The following FIGN variants were observed in gnomAD, a reference collection of about 807,000 sequenced individuals.
The protein encoded by FIGN is fidgetin, microtubule severing factor.
FIGN carries 11 observed loss-of-function variants against 51.3 expected under a neutral mutation model. That is an observed-to-expected ratio of 0.21 (90% CI 0.13 to 0.35). FIGN has a LOEUF of 0.35. FIGN is among the 10% of genes least tolerant of loss of function. FIGN has a pLI of 1.00. For missense variants in FIGN, 857 were observed against 943.6 expected (o/e 0.91, Z 1.20); for synonymous variants, 407 against 363.2 (o/e 1.12, Z -1.37).
rs572143224 is a variant in FIGN at position 163,640,494 on chromosome 2, C to T, written c.26-28688G>A. 2.1e-3 allele frequency among the ~76,000 whole-genome samples: 326 copies of T among 152,140 alleles called. 1 individual carries two copies. The highest frequency in any genetic ancestry group is 7.5e-3 in the African/African-American group (311 of 41,510). Reference sequence around the variant, plus strand: ...TTTCCATTTTTTTATTTATACATTTCAGCTCAGGAAACAATCATTTTTAAC... The same window carrying T: ...TTTCCATTTTTTTATTTATACATTTTAGCTCAGGAAACAATCATTTTTAAC... On this transcript the variant is annotated intron_variant, in intron 2 of 2. Transcript: ENST00000333129.
At chr2:163,655,448 C>G (rs1052612776) in intron 2 of FIGN, among the ~76,000 whole-genome samples, 2 of 151,832 alleles carry the variant, frequency 1.3e-5, no homozygotes, top group Non-Finnish European at 2.9e-5. Context: ...TCAATTGACA[C>G]TGGAAACAAC....
chr2:163,625,054 T>C (rs1683034100), intron 2 of FIGN, among the ~76,000 whole-genome samples: 1 of 152,070 alleles, frequency 6.6e-6, no homozygotes, highest in Non-Finnish European at 1.5e-5. Context: ...TTATATTCAT[T>C]GTACAGCAAA....
chr2:163,618,934 T>C (rs534508205), intron 2 of FIGN, among the ~76,000 whole-genome samples: 1 of 152,208 alleles, frequency 6.6e-6, no homozygotes, highest in African/African-American at 2.4e-5. Context: ...CTTTTTTTTA[T>C]GATAAGAGAA....
At chr2:163,649,296 T>G (rs370425005) in intron 2 of FIGN, among the ~76,000 whole-genome samples, 2 of 152,298 alleles carry the variant, frequency 1.3e-5, no homozygotes, top group East Asian at 1.9e-4. Context: ...CCACAGTGTG[T>G]CTGAGTCAGA....
chr2:163,627,232 G>GT (rs1434905688), intron 2 of FIGN, among the ~76,000 whole-genome samples: 1 of 152,084 alleles, frequency 6.6e-6, no homozygotes, highest in East Asian at 1.9e-4. Flanking sequence ...CTATCTTGGG[G>GT]TCTGGATCAG....
chr2:163,723,147 C>T (rs955342409), intron 2 of FIGN, among the ~76,000 whole-genome samples: 3 of 151,770 alleles, frequency 2.0e-5, no homozygotes, highest in Non-Finnish European at 4.4e-5. Context: ...GCCGAGATCG[C>T]GCCACTACAC....
intron 2 of FIGN, among the ~76,000 whole-genome samples, chr2:163,676,483 A>AT (rs1553499928): frequency 0.047 from 2,282 of 48,394 alleles, 573 homozygotes; most frequent in Non-Finnish European, 0.089. Context: ...ATATATATAT[A>AT]ACTAGAGTCT....
chr2:163,671,778 A>G (rs929943383), intron 2 of FIGN, among the ~76,000 whole-genome samples: 13 of 152,212 alleles, frequency 8.5e-5, no homozygotes, highest in African/African-American at 2.9e-4. Flanking sequence ...CTTCTGATTC[A>G]CATTAAAAAG....
chr2:163,622,635 C>T (rs1266241681), intron 2 of FIGN, among the ~76,000 whole-genome samples: 13 of 152,072 alleles, frequency 8.5e-5, no homozygotes, highest in Non-Finnish European at 1.8e-4. Context: ...GATCTTGGCT[C>T]ACTACAAACT....
intron 2 of FIGN, among the ~76,000 whole-genome samples, chr2:163,710,915 A>G (rs1684578050): frequency 6.6e-6 from 1 of 152,200 alleles, no homozygotes; most frequent in Non-Finnish European, 1.5e-5. Context: ...CCTGTACACA[A>G]TGGCTTGTCT....
chr2:163,644,266 G>A (rs1683349915), intron 2 of FIGN, among the ~76,000 whole-genome samples: 1 of 151,990 alleles, frequency 6.6e-6, no homozygotes, highest in South Asian at 2.1e-4. Flanking sequence ...TAAACAATTG[G>A]CATTAATTTG....
intron 2 of FIGN, among the ~76,000 whole-genome samples, chr2:163,692,390 T>A (rs765755879): frequency 6.6e-6 from 1 of 152,194 alleles, no homozygotes; most frequent in Non-Finnish European, 1.5e-5. Flanking sequence ...TATAACAATA[T>A]GATATTAATG....
chr2:163,704,791 T>C (rs886492641), intron 2 of FIGN, among the ~76,000 whole-genome samples: 2 of 151,918 alleles, frequency 1.3e-5, no homozygotes, highest in African/African-American at 4.8e-5. Context: ...TTTCAAATAC[T>C]CTGACAGGAA....
At chr2:163,647,048 TAAC>T (rs1189880874) in intron 2 of FIGN, among the ~76,000 whole-genome samples, 2 of 152,156 alleles carry the variant, frequency 1.3e-5, no homozygotes, top group African/African-American at 4.8e-5. Flanking sequence ...CTCTCCAAGT[TAAC>T]AACATAAAAG....
chr2:163,718,882 A>G (rs2105361548), intron 2 of FIGN, among the ~76,000 whole-genome samples: 1 of 152,246 alleles, frequency 6.6e-6, no homozygotes, highest in Admixed American at 6.5e-5. Flanking sequence ...GATTATATGG[A>G]TAACTATAAA....
At position 163,720,971 on chromosome 2, in the gene FIGN, A is replaced by AAAAT. The variant is rs768387252; in HGVS notation, c.25+13928_25+13931dup. 5.9e-3 allele frequency among the ~76,000 whole-genome samples: 905 copies of AAAAT among 152,260 alleles called. 6 individuals carry two copies. Among genetic ancestry groups the AAAAT allele is most frequent in the African/African-American group, 0.02 (840 of 41,552 alleles). Reference sequence around the variant, plus strand: ...AGCTGTCAACTATGCATATAGGGTCAAAATAAATAAATAAGTAAATAAAAA... The same window carrying AAAAT: ...AGCTGTCAACTATGCATATAGGGTCAAAATAAATAAATAAATAAGTAAATAAAAA... On this transcript the variant is annotated intron_variant, in intron 2 of 2. Coordinates refer to ENST00000333129, the MANE Select transcript of FIGN (RefSeq NM_018086.4).
chr2:163,603,678 C>G lies in FIGN; in HGVS notation c.*5874G>C, dbSNP rs1015645416. 1 of 152,120 alleles carries G rather than the reference C, an allele frequency of 6.6e-6. No individual in the cohort carries two copies. The highest frequency in any genetic ancestry group is 1.5e-5 in the Non-Finnish European group (1 of 67,982). The allele number at this position is 152,120 out of a possible 1,614,324, so 9.4% of individuals were successfully genotyped here. A position where few individuals can be genotyped will look rare whatever the true frequency, so the allele number is the denominator to read the frequency against. ...GGAGTTTCAGATGCATTTCTGAATTCACATCTGTGGGAGTTGTGGATTGTC... is the reference window on the plus strand; with the variant it reads ...GGAGTTTCAGATGCATTTCTGAATTGACATCTGTGGGAGTTGTGGATTGTC... On this transcript the variant is annotated 3_prime_UTR_variant, in exon 3 of 3. Coordinates refer to ENST00000333129, the MANE Select transcript of FIGN (RefSeq NM_018086.4).
intron 2 of FIGN, among the ~76,000 whole-genome samples, chr2:163,727,438 A>G (rs1177280082): frequency 6.6e-6 from 1 of 152,034 alleles, no homozygotes; most frequent in African/African-American, 2.4e-5. Context: ...TAAATGGGAC[A>G]CTGTTATAAT....
chr2:163,646,491 C>T (rs963382408), intron 2 of FIGN, among the ~76,000 whole-genome samples: 51 of 151,996 alleles, frequency 3.4e-4, no homozygotes, highest in African/African-American at 1.0e-3. Flanking sequence ...TCTTGTATGT[C>T]CAAAATTTTG....
Sources: allele counts gnomAD v4.1 joint callset (sites outside exome capture counted in the v4.1 genomes callset), GRCh38; gene constraint gnomAD v4.1.1; transcripts MANE v1.5; gene names NCBI Gene and HGNC (gene_info 2026-07-23, HGNC 2026-07-21).